The following PCDHA2 variants were observed in gnomAD, a reference collection of about 807,000 sequenced individuals.
PCDHA2 encodes protocadherin alpha 2, also known as protocadherin alpha-2.
A neutral mutation model predicts 66.0 loss-of-function variants in PCDHA2; 58 were observed. That is an observed-to-expected ratio of 0.88 (90% confidence interval 0.71 to 1.09). The LOEUF (loss-of-function observed/expected upper bound fraction) is 1.09, where lower values mean the gene tolerates loss of function less well. Ranked by LOEUF, PCDHA2 falls within the 50% of genes least tolerant of loss-of-function variation. The pLI, the probability that PCDHA2 is intolerant of heterozygous loss-of-function variation, is 0.00. For synonymous variants in PCDHA2, 634 were observed against 554.0 expected (o/e 1.14, Z -2.03); for missense variants, 1,267 against 1,242.3 (o/e 1.02, Z -0.30).
intron 1 of PCDHA2, chr5:140,812,933 A>G (rs1476757197): frequency 6.6e-6 from 1 of 152,170 alleles, no homozygotes; most frequent in African/African-American, 2.4e-5. Flanking sequence ...TAATTTCTAC[A>G]TATTTGCAGA....
At chr5:140,802,567 A>C (rs1415125623) in intron 1 of PCDHA2, 1 of 1,613,466 alleles carries the variant, frequency 6.2e-7, no homozygotes, top group East Asian at 2.2e-5. Context: ...GCATTCTCGC[A>C]GTCCGAGTAC....
intron 1 of PCDHA2, chr5:140,856,305 A>G (rs782323132): frequency 1.9e-6 from 3 of 1,598,594 alleles, no homozygotes; most frequent in Non-Finnish European, 2.6e-6. Flanking sequence ...TTGTTTGTGA[A>G]TTCTCGGATT....
At chr5:140,836,287 G>T in intron 1 of PCDHA2, 2 of 1,613,786 alleles carry the variant, frequency 1.2e-6, no homozygotes, top group Non-Finnish European at 8.5e-7. Flanking sequence ...AGCACGACAC[G>T]AGCCCTAGAT....
chr5:140,961,938 C>T (rs1443851298), intron 1 of PCDHA2, among the ~76,000 whole-genome samples: 3 of 151,024 alleles, frequency 2.0e-5, no homozygotes, highest in African/African-American at 7.3e-5. Flanking sequence ...GGCTGGAGTG[C>T]AGTGGCATGA....
intron 3 of PCDHA2, among the ~76,000 whole-genome samples, chr5:140,995,158 A>G (rs1554254485): frequency 6.6e-6 from 1 of 152,180 alleles, no homozygotes; most frequent in African/African-American, 2.4e-5. Flanking sequence ...TATATACATT[A>G]TGTTCTTTCA....
At chr5:140,952,847 T>C (rs1199940738) in intron 1 of PCDHA2, among the ~76,000 whole-genome samples, 1 of 152,160 alleles carries the variant, frequency 6.6e-6, no homozygotes, top group Middle Eastern at 3.2e-3. Flanking sequence ...TCTGCTTGTC[T>C]TCTGGGGAGG....
chr5:140,965,990 G>A (rs1292240100), intron 1 of PCDHA2, among the ~76,000 whole-genome samples: 4 of 152,194 alleles, frequency 2.6e-5, no homozygotes, highest in African/African-American at 9.6e-5. Context: ...ACTTTCTGCA[G>A]TACTTAAGAG....
intron 1 of PCDHA2, chr5:140,871,243 C>G (rs1246479266): frequency 6.2e-7 from 1 of 1,613,862 alleles, no homozygotes; most frequent in African/African-American, 1.3e-5. Context: ...GGTACTCACG[C>G]TGCTGCTGTA....
intron 1 of PCDHA2, chr5:140,824,610 G>GTTGTTT (rs1768193318): frequency 1.1e-5 from 1 of 95,104 alleles, no homozygotes; most frequent in African/African-American, 4.9e-5. Context: ...GCTAATTAAA[G>GTTGTTT]TTTTTTTTTT....
intron 1 of PCDHA2, among the ~76,000 whole-genome samples, chr5:140,827,804 G>C (rs1554130889): frequency 6.6e-6 from 1 of 152,206 alleles, no homozygotes; most frequent in East Asian, 1.9e-4. Flanking sequence ...AATTACAAAC[G>C]TGAGGAGGGT....
At chr5:140,830,343 CGCA>C in intron 1 of PCDHA2, 1 of 1,614,058 alleles carries the variant, frequency 6.2e-7, no homozygotes, top group Non-Finnish European at 8.5e-7. Context: ...TGGTCGTACT[CGCA>C]GCAGAGGCGG....
intron 1 of PCDHA2, chr5:140,823,321 G>T: frequency 6.2e-7 from 1 of 1,612,290 alleles, no homozygotes. Flanking sequence ...GAGCGGCAAG[G>T]TGTACGCGCT....
rs577838197 is a variant in PCDHA2, at chr5:140,982,551, A to G, written c.2524A>G (p.Ser842Gly). 28 of 1,614,198 alleles carry G rather than the reference A, an allele frequency of 1.7e-5. No individual in the cohort carries two copies. Among genetic ancestry groups the G allele is most frequent in the South Asian group, 1.2e-4 (11 of 91,088 alleles). The change falls in exon 3 of 4, where the codon AGT (serine) becomes GGT (glycine). Residue 842 changes from serine (S) to glycine (G), a missense_variant. Coordinates refer to ENST00000526136, the MANE Select transcript of PCDHA2 (RefSeq NM_018905.3). ...GPDQQWPTVS[S>G]ATPEPEAGEV... is the part of the protein sequence containing the mutation. ...TGATCAGCAGTGGCCAACAGTATCC[A>G]GTGCAACACCAGGTAAAGAGCTGGG... is the stretch of plus-strand genomic sequence containing the variant.
At chr5:140,985,936 T>C (rs1379150817) in intron 3 of PCDHA2, among the ~76,000 whole-genome samples, 3 of 152,038 alleles carry the variant, frequency 2.0e-5, no homozygotes, top group Non-Finnish European at 2.9e-5. Context: ...AGCCGGGGTT[T>C]CACTGTGTTA....
Position 140,830,509 on chromosome 5 carries a change from A to G in PCDHA2, c.2388+33157A>G, listed in dbSNP as rs1039294822. ...AAGTAAGTGAATTTTCATAATTAAC[A>G]GTTAATTTTTATTTTAAATTTATAA... On this transcript the variant is annotated intron_variant, in intron 1 of 3. Coordinates refer to ENST00000526136, the MANE Select transcript of PCDHA2 (RefSeq NM_018905.3). 2.8e-6 allele frequency: 4 copies of G among 1,410,936 alleles called. 1 individual carries two copies. Among genetic ancestry groups the G allele is most frequent in the Non-Finnish European group, 1.9e-6 (2 of 1,059,252 alleles). The allele number at this position is 1,410,936 out of a possible 1,614,324, so 87.4% of individuals were successfully genotyped here. A position where few individuals can be genotyped will look rare whatever the true frequency, so the allele number is the denominator to read the frequency against.
Position 140,967,085 on chromosome 5 carries a change from C to A in PCDHA2, c.2389-11864C>A, listed in dbSNP as rs155809. On this transcript the variant is annotated intron_variant, in intron 1 of 3. Coordinates refer to ENST00000526136, the MANE Select transcript of PCDHA2 (RefSeq NM_018905.3). ...GCTCTTCGTCAACGAGCGCATTGAT[C>A]GGGAGGCGCTGTGTGAGCAGCGGCC... The A allele has an allele frequency of 3.0e-3, 4,870 of 1,613,198 alleles. 112 individuals are homozygous for A. The African/African-American group carries it at 0.056, about 18-fold the overall frequency.
intron 1 of PCDHA2, among the ~76,000 whole-genome samples, chr5:140,952,473 A>C (rs1262702527): frequency 6.6e-6 from 1 of 152,210 alleles, no homozygotes; most frequent in Non-Finnish European, 1.5e-5. Flanking sequence ...GCATAAGGAA[A>C]GTGACATTTG....
intron 1 of PCDHA2, among the ~76,000 whole-genome samples, chr5:140,872,775 A>G (rs2053889520): frequency 1.3e-5 from 2 of 152,182 alleles, no homozygotes; most frequent in Non-Finnish European, 1.5e-5. Context: ...TATATTATCT[A>G]TAATATATGC....
chr5:140,870,880 G>C (rs782304708), intron 1 of PCDHA2: 1 of 1,613,948 alleles, frequency 6.2e-7, no homozygotes, highest in South Asian at 1.1e-5. Context: ...GGTGGCGAAG[G>C]TGCGCGCAGT....
Sources: gnomAD v4.1 joint callset for allele counts (sites outside exome capture counted in the v4.1 genomes callset) on GRCh38, gnomAD v4.1.1 for gene constraint, MANE v1.5 for transcripts, NCBI Gene and HGNC (gene_info 2026-07-23, HGNC 2026-07-21) for gene names.